The following SORCS1 variants were observed in gnomAD, a reference collection of about 807,000 sequenced individuals.
SORCS1 encodes the protein sortilin related VPS10 domain containing receptor 1.
In SORCS1, 60 loss-of-function variants were observed where a neutral mutation model predicts 146.1. The observed-to-expected ratio is 0.41, with a 90% CI of 0.33 to 0.51. SORCS1 has a LOEUF of 0.51. Among genes scored for constraint, SORCS1 ranks in the 20% least tolerant of loss-of-function variants. The pLI, the probability that SORCS1 is intolerant of heterozygous loss-of-function variation, is 0.21. For synonymous variants in SORCS1, 637 were observed against 584.0 expected (o/e 1.09, Z -1.31); for missense variants, 1,352 against 1,487.6 (o/e 0.91, Z 1.50).
intron 2 of SORCS1, among the ~76,000 whole-genome samples, chr10:106,950,309 T>C (rs1241768938): frequency 6.6e-6 from 1 of 152,242 alleles, no homozygotes; most frequent in Admixed American, 6.5e-5. Flanking sequence ...TTTGTTGATA[T>C]CCAGCAAGGC....
chr10:107,156,615 T>A (rs1257924225), intron 1 of SORCS1, among the ~76,000 whole-genome samples: 1 of 152,218 alleles, frequency 6.6e-6, no homozygotes, highest in Non-Finnish European at 1.5e-5. Context: ...TAGAAAAAGC[T>A]ACATCTGGTA....
At chr10:107,117,153 A>G (rs1441802239) in intron 1 of SORCS1, among the ~76,000 whole-genome samples, 1 of 152,200 alleles carries the variant, frequency 6.6e-6, no homozygotes, top group Admixed American at 6.5e-5. Flanking sequence ...AGCATGGCCA[A>G]TTGCCTATTT....
intron 1 of SORCS1, among the ~76,000 whole-genome samples, chr10:107,118,261 C>G (rs1272257825): frequency 2.0e-5 from 3 of 152,308 alleles, no homozygotes; most frequent in African/African-American, 7.2e-5. Context: ...GACACCAAAT[C>G]CGTTGCTGCC....
intron 2 of SORCS1, among the ~76,000 whole-genome samples, chr10:106,932,222 T>G (rs1389266352): frequency 6.6e-6 from 1 of 152,202 alleles, no homozygotes; most frequent in Non-Finnish European, 1.5e-5. Context: ...TATTATTATT[T>G]TTGAGAATTA....
At chr10:107,101,410 T>C (rs1590138094) in intron 1 of SORCS1, among the ~76,000 whole-genome samples, 1 of 152,210 alleles carries the variant, frequency 6.6e-6, no homozygotes. Context: ...AACACTGACA[T>C]GTCTGTATCA....
At chr10:106,746,593 T>A (rs963140355) in intron 5 of SORCS1, among the ~76,000 whole-genome samples, 2 of 152,208 alleles carry the variant, frequency 1.3e-5, no homozygotes, top group African/African-American at 4.8e-5. Context: ...CTACTTCATT[T>A]TTCAAAAAAG....
At chr10:106,705,196 T>C (rs777981994) in intron 8 of SORCS1, among the ~76,000 whole-genome samples, 1 of 152,184 alleles carries the variant, frequency 6.6e-6, no homozygotes, top group Non-Finnish European at 1.5e-5. Context: ...ATTACCACAG[T>C]CATTAATCTC....
intron 1 of SORCS1, among the ~76,000 whole-genome samples, chr10:107,145,148 T>A (rs1042306811): frequency 6.6e-6 from 1 of 152,140 alleles, no homozygotes; most frequent in Admixed American, 6.5e-5. Flanking sequence ...TGGGTGGTAG[T>A]GGGAGATGAG....
intron 2 of SORCS1, among the ~76,000 whole-genome samples, chr10:106,925,285 C>T (rs546633475): frequency 6.6e-6 from 1 of 152,146 alleles, no homozygotes; most frequent in South Asian, 2.1e-4. Flanking sequence ...CTCCAGGGCC[C>T]TTTGTGGGCC....
chr10:106,702,026 G>A (rs923212421), intron 8 of SORCS1, among the ~76,000 whole-genome samples: 2 of 152,196 alleles, frequency 1.3e-5, no homozygotes, highest in South Asian at 2.1e-4. Flanking sequence ...CTATATACAC[G>A]ATAAGAAAGT....
chr10:107,068,673 T>G (rs1000969641), intron 1 of SORCS1, among the ~76,000 whole-genome samples: 5 of 152,148 alleles, frequency 3.3e-5, no homozygotes, highest in African/African-American at 1.2e-4. Flanking sequence ...AAGACCATCC[T>G]GGCTAACACG....
At chr10:107,038,202 T>C (rs1196338923) in intron 1 of SORCS1, among the ~76,000 whole-genome samples, 2 of 152,072 alleles carry the variant, frequency 1.3e-5, no homozygotes, top group African/African-American at 4.8e-5. Context: ...AAAACGGAGA[T>C]TCATCAAAGA....
chr10:106,625,891 T>C (rs552333435), intron 19 of SORCS1, among the ~76,000 whole-genome samples: 66 of 152,234 alleles, frequency 4.3e-4, no homozygotes, highest in African/African-American at 1.6e-3. Context: ...CTCTGCCCCA[T>C]CCGACTGAAG....
chr10:107,057,675 C>T (rs1960778321), intron 1 of SORCS1, among the ~76,000 whole-genome samples: 1 of 152,174 alleles, frequency 6.6e-6, no homozygotes, highest in East Asian at 1.9e-4. Context: ...TCTAATAGAA[C>T]TGCATTATTT....
chr10:107,065,510 CTCTTTCTT>C (rs56776512), intron 1 of SORCS1, among the ~76,000 whole-genome samples: 2 of 86,360 alleles, frequency 2.3e-5, no homozygotes, highest in African/African-American at 1.0e-4. Context: ...CTCCTCTCCT[CTCTTTCTT>C]TCTTTCTTTC....
intron 1 of SORCS1, among the ~76,000 whole-genome samples, chr10:107,072,784 G>A (rs2134190496): frequency 6.7e-6 from 1 of 149,690 alleles, no homozygotes; most frequent in Middle Eastern, 3.5e-3. Flanking sequence ...ACAAGACTGG[G>A]AATGTTTGAA....
chr10:106,975,939 G>A (rs1955976193), intron 1 of SORCS1, among the ~76,000 whole-genome samples: 3 of 152,090 alleles, frequency 2.0e-5, no homozygotes, highest in Admixed American at 2.0e-4. Context: ...CCTGAGGTCA[G>A]GAGTTCAAGA....
chr10:107,012,172 G>A (rs1050829779), intron 1 of SORCS1, among the ~76,000 whole-genome samples: 5 of 152,138 alleles, frequency 3.3e-5, no homozygotes, highest in African/African-American at 9.6e-5. Flanking sequence ...GCAATTTCAC[G>A]CTTTCCTTCC....
At position 107,109,345 on chromosome 10, in the gene SORCS1, T is replaced by C. The variant is rs12268736; in HGVS notation, c.558+54624A>G. On this transcript the variant is annotated intron_variant, in intron 1 of 25. Transcript: ENST00000263054. ...GCTTTCTCACACATCCTCCAAAATC[T>C]AGACGGAGGCCAAGCCTCCTTTACT... 3.6e-3 allele frequency among the ~76,000 whole-genome samples: 541 copies of C among 152,334 alleles called. 3 individuals carry two copies. Among genetic ancestry groups the C allele is most frequent in the African/African-American group, 0.012 (500 of 41,580 alleles).
Sources: gnomAD v4.1 joint callset for allele counts (sites outside exome capture counted in the v4.1 genomes callset) on GRCh38, gnomAD v4.1.1 for gene constraint, MANE v1.5 for transcripts, NCBI Gene and HGNC (gene_info 2026-07-23, HGNC 2026-07-21) for gene names.